CDKAL1: variants seen among roughly 807,000 people sequenced by gnomAD.
CDKAL1 encodes the protein CDKAL1 threonylcarbamoyladenosine tRNA methylthiotransferase.
Under a neutral mutation model 68.2 loss-of-function variants are expected in CDKAL1, and 32 were observed. The observed-to-expected ratio is 0.47, with a 90% CI of 0.35 to 0.63. The LOEUF (loss-of-function observed/expected upper bound fraction) is 0.63. CDKAL1 is among the 30% of genes least tolerant of loss of function. CDKAL1 has a pLI of 0.00. For synonymous variants in CDKAL1, 234 were observed against 244.3 expected, an observed-to-expected ratio of 0.96 and a Z score of 0.39; for missense variants, 606 against 696.7, an observed-to-expected ratio of 0.87 and a Z score of 1.47.
At chr6:20,919,711 A>C (rs1471946193) in intron 9 of CDKAL1, among the ~76,000 whole-genome samples, 1 of 152,174 alleles carries the variant, frequency 6.6e-6, no homozygotes, top group Non-Finnish European at 1.5e-5. Flanking sequence ...TACAATGGGC[A>C]TGATTGGTAT....
At chr6:20,987,444 G>A (rs7453577) in intron 10 of CDKAL1, among the ~76,000 whole-genome samples, 27,002 of 151,846 alleles carry the variant, frequency 0.18, 2,766 homozygotes, top group Admixed American at 0.26. Context: ...TAGTAAAGAC[G>A]GGGTTTTACC....
At chr6:20,621,774 G>GTT (rs10687080) in intron 4 of CDKAL1, among the ~76,000 whole-genome samples, 14 of 147,768 alleles carry the variant, frequency 9.5e-5, no homozygotes, top group African/African-American at 2.2e-4. Context: ...ATACCTCAGT[G>GTT]TTTTTTTTTT....
At chr6:21,225,448 TG>T (rs1779705514) in intron 15 of CDKAL1, among the ~76,000 whole-genome samples, 1 of 152,044 alleles carries the variant, frequency 6.6e-6, no homozygotes, top group African/African-American at 2.4e-5. Flanking sequence ...TGGTAGTAAG[TG>T]CTGTGGGAGG....
intron 11 of CDKAL1, among the ~76,000 whole-genome samples, chr6:21,010,426 C>T (rs1305966942): frequency 6.6e-6 from 1 of 152,162 alleles, no homozygotes; most frequent in Non-Finnish European, 1.5e-5. Context: ...AAATCTCTAG[C>T]TTAAACTCCT....
At chr6:20,957,611 T>C (rs1217226025) in intron 10 of CDKAL1, among the ~76,000 whole-genome samples, 2 of 152,186 alleles carry the variant, frequency 1.3e-5, no homozygotes, top group East Asian at 1.9e-4. Context: ...ACAATCTTGT[T>C]ATATCTGTCT....
chr6:20,644,077 C>T (rs1395273764), intron 4 of CDKAL1, among the ~76,000 whole-genome samples: 1 of 151,484 alleles, frequency 6.6e-6, no homozygotes, highest in East Asian at 1.9e-4. Flanking sequence ...AAGTAATTTG[C>T]CCGCCTCTGC....
At chr6:20,909,090 C>A (rs180833567) in intron 9 of CDKAL1, among the ~76,000 whole-genome samples, 7 of 151,680 alleles carry the variant, frequency 4.6e-5, no homozygotes, top group Non-Finnish European at 8.8e-5. Flanking sequence ...AATTTAAAAC[C>A]CTAAAGCTAA....
chr6:20,563,735 A>C (rs764068939), intron 4 of CDKAL1, among the ~76,000 whole-genome samples: 32 of 152,010 alleles, frequency 2.1e-4, no homozygotes, highest in Non-Finnish European at 4.0e-4. Context: ...AAGTGTAAGC[A>C]GCTGTGTGAA....
At chr6:20,624,115 G>A (rs1767317516) in intron 4 of CDKAL1, among the ~76,000 whole-genome samples, 1 of 151,994 alleles carries the variant, frequency 6.6e-6, no homozygotes, top group Admixed American at 6.6e-5. Flanking sequence ...TGCAGTTTGG[G>A]AGAGTTTACT....
intron 5 of CDKAL1, among the ~76,000 whole-genome samples, chr6:20,676,169 A>G (rs1770085583): frequency 7.9e-6 from 1 of 126,344 alleles, no homozygotes; most frequent in African/African-American, 3.8e-5. Context: ...CAAAGTAAAA[A>G]AGTTATAGTA....
At chr6:20,855,853 A>G (rs146308547) in intron 9 of CDKAL1, among the ~76,000 whole-genome samples, 3 of 152,334 alleles carry the variant, frequency 2.0e-5, no homozygotes, top group Non-Finnish European at 4.4e-5. Flanking sequence ...TCAGAAAGCG[A>G]TATGTGGAGA....
chr6:20,784,944 A>G (rs976138739), intron 8 of CDKAL1, among the ~76,000 whole-genome samples: 33 of 152,286 alleles, frequency 2.2e-4, no homozygotes, highest in African/African-American at 6.0e-4. Flanking sequence ...ACCATTTTCA[A>G]TAGCCTTTAG....
intron 13 of CDKAL1, among the ~76,000 whole-genome samples, chr6:21,117,946 T>TA (rs1271715668): frequency 1.3e-5 from 2 of 152,222 alleles, no homozygotes; most frequent in Non-Finnish European, 2.9e-5. Context: ...TTCGTTCATT[T>TA]AAGAAGAAAA....
chr6:20,736,116 A>G (rs1366293014), intron 5 of CDKAL1, among the ~76,000 whole-genome samples: 2 of 144,700 alleles, frequency 1.4e-5, no homozygotes, highest in East Asian at 4.7e-4. Context: ...AACCAGTGGA[A>G]CAACTATTTC....
intron 9 of CDKAL1, among the ~76,000 whole-genome samples, chr6:20,909,927 A>C (rs749717212): frequency 1.3e-5 from 2 of 152,230 alleles, no homozygotes; most frequent in Non-Finnish European, 2.9e-5. Context: ...AGTCTTACTA[A>C]TACAATGATT....
At chr6:20,737,769 T>C (rs1427011943) in intron 5 of CDKAL1, among the ~76,000 whole-genome samples, 1 of 152,238 alleles carries the variant, frequency 6.6e-6, no homozygotes, top group African/African-American at 2.4e-5. Flanking sequence ...TTTTATTTCG[T>C]TAACAAGCTT....
At position 20,848,349 on chromosome 6, in the gene CDKAL1, C is replaced by A. The variant is rs183788601; in HGVS notation, c.742+2171C>A. ...TGGCCTTAGGTTCCCTGCCTCCAGA[C>A]CCTGTTCTCCTGCCTCAGAAACATA... is the stretch of plus-strand genomic sequence containing the variant. On this transcript the variant is annotated intron_variant, in intron 9 of 15. Coordinates refer to ENST00000274695, the MANE Select transcript of CDKAL1 (RefSeq NM_017774.3). 3.3e-5 allele frequency among the ~76,000 whole-genome samples: 5 copies of A among 150,732 alleles called. 1 individual carries two copies. In the South Asian group the frequency reaches 6.3e-4, roughly 19 times the overall value.
chr6:20,651,931 G>A (rs759920445), intron 5 of CDKAL1, among the ~76,000 whole-genome samples: 5 of 152,198 alleles, frequency 3.3e-5, no homozygotes, highest in Non-Finnish European at 5.9e-5. Flanking sequence ...GCTTTTTGAT[G>A]TGCTGCTGGA....
Position 20,569,081 on chromosome 6 carries a change from CTTA to C in CDKAL1, c.286+20381_286+20383del, listed in dbSNP as rs145060842. ...TCCATGCCATTCATGAGAAACAAAA[CTTA>C]TTATATAGAGCATAGAGGTGGTTTC... is the stretch of plus-strand genomic sequence containing the variant. On this transcript the variant is annotated intron_variant, in intron 4 of 15. Transcript: ENST00000274695. Among the ~76,000 whole-genome samples, 619 of 152,220 alleles carry C rather than the reference CTTA, an allele frequency of 4.1e-3. 1 individual carries two copies. Among genetic ancestry groups the C allele is most frequent in the Non-Finnish European group, 6.7e-3 (453 of 68,014 alleles).
Sources: gnomAD v4.1 joint callset for allele counts (sites outside exome capture counted in the v4.1 genomes callset) on GRCh38, gnomAD v4.1.1 for gene constraint, MANE v1.5 for transcripts, NCBI Gene and HGNC (gene_info 2026-07-23, HGNC 2026-07-21) for gene names.